Variants in NUCB2 observed in about 807,000 individuals in gnomAD.
The protein encoded by NUCB2 is nucleobindin-2.
Under a neutral mutation model 57.9 loss-of-function variants are expected in NUCB2, and 48 were observed. The observed-to-expected ratio is 0.83, with a 90% CI of 0.66 to 1.05. The LOEUF (loss-of-function observed/expected upper bound fraction) is 1.05. NUCB2 is among the 50% of genes least tolerant of loss of function. NUCB2 has a pLI of 0.00. For synonymous variants in NUCB2, 139 were observed against 152.1 expected (o/e 0.91, Z 0.64); for missense variants, 442 against 476.2 (o/e 0.93, Z 0.67).
At chr11:17,294,652 TG>T (rs1591307864) in intron 2 of NUCB2, among the ~76,000 whole-genome samples, 1 of 143,286 alleles carries the variant, frequency 7.0e-6, no homozygotes, top group African/African-American at 2.6e-5. Flanking sequence ...TTCCAAATGG[TG>T]TTCTGTGGGT....
chr11:17,286,846 A>G (rs1453665259), intron 2 of NUCB2: 1 of 152,174 alleles, frequency 6.6e-6, no homozygotes, highest in African/African-American at 2.4e-5. Flanking sequence ...TTTAATGCAG[A>G]CACATTTGAC....
intron 2 of NUCB2, among the ~76,000 whole-genome samples, chr11:17,345,036 ATC>A (rs1952603327): frequency 1.3e-5 from 2 of 152,244 alleles, no homozygotes; most frequent in Non-Finnish European, 2.9e-5. Context: ...TAGAAATAGT[ATC>A]TGTGTAGTAA....
intron 11 of NUCB2, among the ~76,000 whole-genome samples, chr11:17,327,492 T>C (rs1329503454): frequency 1.3e-5 from 2 of 152,228 alleles, no homozygotes; most frequent in East Asian, 3.8e-4. Context: ...TTTGATATTA[T>C]TCCTTTGAAT....
chr11:17,289,250 G>A (rs769966122), intron 2 of NUCB2, among the ~76,000 whole-genome samples: 2 of 152,042 alleles, frequency 1.3e-5, no homozygotes, highest in South Asian at 2.1e-4. Flanking sequence ...GAGCCACCAC[G>A]CCCAGCCTCT....
At chr11:17,291,181 C>T (rs1287301052) in intron 2 of NUCB2, 1 of 152,012 alleles carries the variant, frequency 6.6e-6, no homozygotes, top group Non-Finnish European at 1.5e-5. Context: ...AATATGTGTC[C>T]TCTTGCTTCT....
chr11:17,311,385 T>A (rs537607343), intron 8 of NUCB2, 102 bp downstream of exon 8: 1 of 777,852 alleles, frequency 1.3e-6, no homozygotes, highest in East Asian at 2.7e-5. Flanking sequence ...TGAGTTCTAG[T>A]GAGAGTAAAT....
intron 1 of NUCB2, among the ~76,000 whole-genome samples, chr11:17,278,041 C>CA (rs1941695152): frequency 6.6e-6 from 1 of 151,920 alleles, no homozygotes; most frequent in African/African-American, 2.4e-5. Context: ...TCCATGATCT[C>CA]ATCTACCTTT....
chr11:17,349,749 G>C (rs1953055355), exon 3 of NUCB2: 1 of 152,164 alleles, frequency 6.6e-6, no homozygotes, highest in South Asian at 2.1e-4. Context: ...CTGCCATACT[G>C]TCCCTGGATA....
intron 1 of NUCB2, among the ~76,000 whole-genome samples, chr11:17,279,157 A>T (rs573966092): frequency 4.5e-4 from 69 of 152,304 alleles, no homozygotes; most frequent in South Asian, 2.1e-3. Context: ...GCGCTATTGC[A>T]CTCCAGCCTG....
intron 1 of NUCB2, among the ~76,000 whole-genome samples, chr11:17,282,149 A>C (rs1942708439): frequency 6.6e-6 from 1 of 151,166 alleles, no homozygotes; most frequent in South Asian, 2.1e-4. Context: ...CTAGTTATTC[A>C]AGAGTGGAGG....
chr11:17,298,111 G>A (rs1028424371), intron 4 of NUCB2, among the ~76,000 whole-genome samples: 1 of 151,134 alleles, frequency 6.6e-6, no homozygotes, highest in East Asian at 1.9e-4. Flanking sequence ...AAGGGGGGCC[G>A]GGGCAGTAGT....
At chr11:17,282,213 T>C (rs1383834764) in intron 1 of NUCB2, among the ~76,000 whole-genome samples, 1 of 67,628 alleles carries the variant, frequency 1.5e-5, no homozygotes. Flanking sequence ...TATATCTATA[T>C]CTATATCTAT....
At chr11:17,287,292 A>G (rs975444840) in intron 2 of NUCB2, among the ~76,000 whole-genome samples, 1 of 152,130 alleles carries the variant, frequency 6.6e-6, no homozygotes, top group Non-Finnish European at 1.5e-5. Flanking sequence ...TGAGCTCACC[A>G]CTGCACTTCA....
At chr11:17,329,131 C>G (rs1232659154) in intron 11 of NUCB2, among the ~76,000 whole-genome samples, 1 of 152,162 alleles carries the variant, frequency 6.6e-6, no homozygotes, top group Non-Finnish European at 1.5e-5. Context: ...TGCCTGGTGT[C>G]CTATCCTACT....
chr11:17,311,915 C>A lies in NUCB2; in HGVS notation c.804C>A (p.Ala268=). 1.9e-6 allele frequency: 3 copies of A among 1,595,442 alleles called. No individual in the cohort carries two copies. Among genetic ancestry groups the A allele is most frequent in the Non-Finnish European group, 2.6e-6 (3 of 1,168,150 alleles). ...DGFLDEQELE[A]LFTKELEKVY... ...TCCTGGATGAACAAGAATTAGAAGC[C>A]CTATTTACTAAAGAGGTAAAGGAGT... The change falls in exon 9 of 14, where the codon GCC becomes GCA. Residue 268 remains alanine, a synonymous_variant. Transcript: ENST00000529010.
intron 2 of NUCB2, among the ~76,000 whole-genome samples, chr11:17,290,285 G>A (rs780667956): frequency 6.6e-6 from 1 of 152,132 alleles, no homozygotes; most frequent in African/African-American, 2.4e-5. Context: ...TATTTACAAT[G>A]ACAAGCACCA....
chr11:17,348,570 G>A (rs1216942998), intron 2 of NUCB2, among the ~76,000 whole-genome samples: 1 of 151,770 alleles, frequency 6.6e-6, no homozygotes, highest in Non-Finnish European at 1.5e-5. Flanking sequence ...AAACTCCTGA[G>A]CTCAAGTGAT....
intron 2 of NUCB2, among the ~76,000 whole-genome samples, chr11:17,345,428 G>A (rs1406101399): frequency 6.6e-6 from 1 of 152,076 alleles, no homozygotes; most frequent in Non-Finnish European, 1.5e-5. Context: ...AACCTTTTTG[G>A]CTGGGTGCGG....
intron 10 of NUCB2, among the ~76,000 whole-genome samples, chr11:17,314,302 G>GTA (rs908998100): frequency 1.3e-5 from 2 of 152,070 alleles, no homozygotes; most frequent in Non-Finnish European, 2.9e-5. Context: ...TTCTTCATAA[G>GTA]TAGGCAGAGT....
Sources: allele counts gnomAD v4.1 joint callset (sites outside exome capture counted in the v4.1 genomes callset), GRCh38; gene constraint gnomAD v4.1.1; transcripts MANE v1.5; gene names NCBI Gene and HGNC (gene_info 2026-07-23, HGNC 2026-07-21).